Variants in HAVCR2 observed in about 807,000 individuals in gnomAD.
The protein encoded by HAVCR2 is T cell immunoglobulin mucin 3.
Under a neutral mutation model 24.7 loss-of-function variants are expected in HAVCR2, and 13 were observed. The ratio of observed to expected loss-of-function variants is 0.53; its 90% CI spans 0.34 to 0.84. The LOEUF (loss-of-function observed/expected upper bound fraction) is 0.84, where lower values mean the gene tolerates loss of function less well. Ranked by LOEUF, HAVCR2 falls within the 40% of genes least tolerant of loss-of-function variation. The probability of loss-of-function intolerance (pLI) is 0.01; values close to 1 mark genes in which losing one functional copy is unlikely to be tolerated. For synonymous variants in HAVCR2, 154 were observed against 143.4 expected (o/e 1.07, Z -0.53); for missense variants, 343 against 371.2 (o/e 0.92, Z 0.62).
At chr5:157,100,788 A>C (rs1757155912) in intron 3 of HAVCR2, among the ~76,000 whole-genome samples, 1 of 152,168 alleles carries the variant, frequency 6.6e-6, no homozygotes, top group African/African-American at 2.4e-5. Context: ...TAATTACCAG[A>C]AAAAAATTTA....
intron 5 of HAVCR2, among the ~76,000 whole-genome samples, chr5:157,091,995 G>C (rs1405547457): frequency 2.0e-5 from 3 of 151,968 alleles, no homozygotes; most frequent in African/African-American, 7.3e-5. Flanking sequence ...AATGAAACAG[G>C]CCTTTCTTAT....
chr5:157,106,575 T>G, intron 2 of HAVCR2, 52 bp downstream of exon 2: 1 of 1,453,836 alleles, frequency 6.9e-7, no homozygotes, highest in Non-Finnish European at 9.6e-7. Context: ...ACCTTTAATA[T>G]GATCCACAGA....
intron 2 of HAVCR2, 48 bp downstream of exon 2, chr5:157,106,579 C>T (rs778329363): frequency 6.8e-7 from 1 of 1,469,166 alleles, no homozygotes; most frequent in African/African-American, 1.4e-5. Context: ...TTAATATGAT[C>T]CACAGATAAA....
intron 5 of HAVCR2, among the ~76,000 whole-genome samples, chr5:157,090,560 C>A (rs981700674): frequency 3.9e-5 from 6 of 152,082 alleles, no homozygotes; most frequent in African/African-American, 1.2e-4. Flanking sequence ...CACCACTGCA[C>A]TCCAGCCTGG....
rs1757084110 is a variant in HAVCR2 at position 157,095,537 on chromosome 5, G to C, written c.523-78C>G. ...TAATCAGCTTCAAGATTTGTGAATT[G>C]GACCATCCCTTTTACAACATCACAG... On this transcript the variant is annotated intron_variant, in intron 4 of 6. Transcript: ENST00000307851. 13 of 1,508,560 alleles carry C rather than the reference G, an allele frequency of 8.6e-6. No individual in the cohort carries two copies. The South Asian group carries it at 1.5e-4, about 17-fold the overall frequency. The allele number at this position is 1,508,560 out of a possible 1,614,324, so 93.4% of individuals were successfully genotyped here.
intron 5 of HAVCR2, among the ~76,000 whole-genome samples, chr5:157,093,124 T>C (rs1370450928): frequency 6.7e-6 from 1 of 150,128 alleles, no homozygotes; most frequent in Non-Finnish European, 1.5e-5. Flanking sequence ...TATATATATA[T>C]TCATGTGATC....
intron 5 of HAVCR2, among the ~76,000 whole-genome samples, chr5:157,092,698 G>A (rs7705741): frequency 2.0e-5 from 3 of 151,116 alleles, no homozygotes; most frequent in South Asian, 2.1e-4. Flanking sequence ...CACTCACCTC[G>A]GCCTCCCAAA....
chr5:157,087,902 CAAAAAA>C (rs753842431), intron 6 of HAVCR2, among the ~76,000 whole-genome samples: 6 of 88,892 alleles, frequency 6.7e-5, no homozygotes, highest in African/African-American at 2.5e-4. Context: ...GACTCCGTCT[CAAAAAA>C]AAAAAAAAAA....
chr5:157,095,967 T>C (rs1488647442), intron 4 of HAVCR2, among the ~76,000 whole-genome samples: 1 of 152,324 alleles, frequency 6.6e-6, no homozygotes, highest in East Asian at 1.9e-4. Context: ...GGCTAATGCC[T>C]GTAATCCCAG....
chr5:157,089,275 C>T (rs571114315), intron 5 of HAVCR2, among the ~76,000 whole-genome samples: 11 of 152,296 alleles, frequency 7.2e-5, no homozygotes, highest in African/African-American at 2.4e-4. Context: ...CCTAATTTCA[C>T]GAAGCTCACG....
chr5:157,103,138 A>G (rs6874178), intron 3 of HAVCR2, among the ~76,000 whole-genome samples: 2 of 151,802 alleles, frequency 1.3e-5, no homozygotes, highest in African/African-American at 2.4e-5. Context: ...CCGAGGCGGG[A>G]GGATCACAAG....
chr5:157,087,882 G>A (rs928626236), intron 6 of HAVCR2, among the ~76,000 whole-genome samples: 4 of 144,964 alleles, frequency 2.8e-5, no homozygotes, highest in African/African-American at 1.0e-4. Context: ...CAGCCTGGGT[G>A]ACAGAGCCAG....
intron 4 of HAVCR2, among the ~76,000 whole-genome samples, chr5:157,097,111 G>A (rs1304886135): frequency 2.0e-5 from 3 of 152,002 alleles, no homozygotes; most frequent in African/African-American, 7.2e-5. Context: ...AAGCATTGTG[G>A]GCACATACAG....
At chr5:157,090,465 C>T (rs560828150) in intron 5 of HAVCR2, among the ~76,000 whole-genome samples, 1 of 152,190 alleles carries the variant, frequency 6.6e-6, no homozygotes, top group African/African-American at 2.4e-5. Flanking sequence ...TATGCTGGCA[C>T]ATGCCCGTGG....
At chr5:157,097,579 T>C (rs1045668906) in intron 4 of HAVCR2, among the ~76,000 whole-genome samples, 1 of 151,232 alleles carries the variant, frequency 6.6e-6, no homozygotes, top group Admixed American at 6.6e-5. Flanking sequence ...AATTTTTAAG[T>C]CATTGCTGCA....
intron 5 of HAVCR2, among the ~76,000 whole-genome samples, chr5:157,093,105 A>G (rs1372216261): frequency 9.3e-4 from 123 of 132,762 alleles, no homozygotes; most frequent in African/African-American, 4.3e-3. Flanking sequence ...GTGTATACAT[A>G]TATATACATA....
intron 5 of HAVCR2, among the ~76,000 whole-genome samples, chr5:157,092,138 T>TTATA (rs56964780): frequency 1.8e-4 from 26 of 146,314 alleles, no homozygotes; most frequent in African/African-American, 3.2e-4. Context: ...TATGGTCATA[T>TTATA]TATATATATA....
chr5:157,106,479 T>A (rs978187326), intron 2 of HAVCR2, 148 bp downstream of exon 2: 43 of 646,932 alleles, frequency 6.6e-5, no homozygotes, highest in Non-Finnish European at 1.0e-4. Context: ...TCACTGAGCA[T>A]CACCAATGGG....
chr5:157,107,392 C>A (rs1757269108), intron 1 of HAVCR2: 1 of 162,008 alleles, frequency 6.2e-6, no homozygotes. Flanking sequence ...ACGGCCCGCC[C>A]ATCTGGGCTA....
Sources: gnomAD v4.1 joint callset for allele counts (sites outside exome capture counted in the v4.1 genomes callset) on GRCh38, gnomAD v4.1.1 for gene constraint, MANE v1.5 for transcripts, NCBI Gene and HGNC (gene_info 2026-07-23, HGNC 2026-07-21) for gene names.